The following SDAD1 variants were observed in gnomAD, a reference collection of about 807,000 sequenced individuals.
SDAD1 encodes SDA1 domain containing 1.
A neutral mutation model predicts 100.3 loss-of-function variants in SDAD1; 79 were observed. The observed-to-expected ratio is 0.79, with a 90% CI of 0.66 to 0.95. The LOEUF (loss-of-function observed/expected upper bound fraction) is 0.95. Ranked by LOEUF, SDAD1 falls within the 40% of genes least tolerant of loss-of-function variation. SDAD1 has a pLI of 0.00. For synonymous variants in SDAD1, 267 were observed against 271.4 expected (o/e 0.98, Z 0.16); for missense variants, 790 against 810.9 (o/e 0.97, Z 0.31).
chr4:75,979,990 C>T (rs915169119), intron 3 of SDAD1, among the ~76,000 whole-genome samples: 2 of 142,438 alleles, frequency 1.4e-5, no homozygotes, highest in African/African-American at 4.9e-5. Context: ...TACAGGTGCA[C>T]CTGGCATATA....
chr4:75,970,721 T>C (rs1378822288), intron 9 of SDAD1, among the ~76,000 whole-genome samples: 2 of 152,162 alleles, frequency 1.3e-5, no homozygotes, highest in African/African-American at 4.8e-5. Context: ...TCGTGGGAAG[T>C]TATTGGCTCA....
intron 9 of SDAD1, 140 bp downstream of exon 9, chr4:75,971,217 T>C: frequency 1.6e-6 from 1 of 611,502 alleles, no homozygotes; most frequent in Non-Finnish European, 2.9e-6. Context: ...ATCTAAAATA[T>C]TAGTGCTTAA....
At position 75,973,305 on chromosome 4, in the gene SDAD1, G is replaced by T. The variant is rs367906062; in HGVS notation, c.711+12C>A. 2.0e-5 allele frequency: 32 copies of T among 1,603,840 alleles called. No individual in the cohort carries two copies. The African/African-American group carries it at 3.3e-4, about 17-fold the overall frequency. ...AAAGGTAAGATTCAGAAGCAGCTAT[G>T]ATTAAACTAACCTCAGATTCGGAGT... is the stretch of plus-strand genomic sequence containing the variant. On this transcript the variant is annotated intron_variant, in intron 8 of 21. Coordinates refer to ENST00000356260, the MANE Select transcript of SDAD1 (RefSeq NM_018115.4).
At position 75,971,192 on chromosome 4, in the gene SDAD1, T is replaced by G. The variant is rs547860798; in HGVS notation, c.813+165A>C. Among the ~76,000 whole-genome samples, 7 of 152,382 alleles carry G rather than the reference T, an allele frequency of 4.6e-5. No homozygotes were observed. In the East Asian group the frequency reaches 1.3e-3, roughly 29 times the overall value. On this transcript the variant is annotated intron_variant, in intron 9 of 21. Coordinates refer to ENST00000356260, the MANE Select transcript of SDAD1 (RefSeq NM_018115.4). The stretch of plus-strand genomic sequence containing the variant: ...TCCAAGTCACTGATTTTGCTAGAGC[T>G]GAATACATTTATTCATCTAAAATAT...
At chr4:75,979,821 C>G (rs1343988864) in intron 3 of SDAD1, among the ~76,000 whole-genome samples, 1 of 152,060 alleles carries the variant, frequency 6.6e-6, no homozygotes, top group Non-Finnish European at 1.5e-5. Flanking sequence ...TATACATACA[C>G]ATTTTTTTCC....
Position 75,974,114 on chromosome 4 carries a change from T to G in SDAD1, c.598A>C (p.Asn200His). Residue 200 changes from asparagine to histidine, a missense_variant, in exon 7 of 22, where the codon AAT (asparagine) becomes CAT (histidine). Physicochemically the swap from Asn to His is moderately conservative, Grantham distance 68. Coordinates refer to ENST00000356260, the MANE Select transcript of SDAD1 (RefSeq NM_018115.4). ...GAGAAACATGCAGTTGTGATAACAT[T>G]GACAGTTTTTGCATCATTCCTGGGG... ...RNIWNDAKTV[N>H]VITTACFSKV... The G allele has an allele frequency of 6.2e-7, 1 of 1,613,768 alleles. No homozygotes were observed. Among genetic ancestry groups the G allele is most frequent in the Non-Finnish European group, 8.5e-7 (1 of 1,179,800 alleles).
intron 1 of SDAD1, 22 bp from the exon 2 acceptor site, chr4:75,982,059 G>T: frequency 6.8e-7 from 1 of 1,465,326 alleles, no homozygotes; most frequent in Non-Finnish European, 9.5e-7. Flanking sequence ...TAAAATTTAA[G>T]TTTGTCACAT....
chr4:75,959,039 C>T (rs1159366892), intron 17 of SDAD1, among the ~76,000 whole-genome samples: 1 of 129,134 alleles, frequency 7.7e-6, no homozygotes, highest in Admixed American at 9.4e-5. Context: ...TGGAGCTTGC[C>T]GTGAGCCGAG....
At chr4:75,963,796 C>T (rs2149314831) in intron 14 of SDAD1, among the ~76,000 whole-genome samples, 1 of 152,234 alleles carries the variant, frequency 6.6e-6, no homozygotes, top group Non-Finnish European at 1.5e-5. Context: ...TTCCCAGCTC[C>T]AGAACTAGGA....
At chr4:75,971,519 T>C (rs776531635) in intron 8 of SDAD1, 61 bp from the exon 9 acceptor site, 1 of 1,228,066 alleles carries the variant, frequency 8.1e-7, no homozygotes, top group East Asian at 2.3e-5. Context: ...AATGAAAGAG[T>C]AAACCTTTCA....
At chr4:75,988,750 A>C (rs1731055469) in intron 1 of SDAD1, among the ~76,000 whole-genome samples, 1 of 152,174 alleles carries the variant, frequency 6.6e-6, no homozygotes, top group African/African-American at 2.4e-5. Flanking sequence ...AGGAAATGGC[A>C]CTATCATCTA....
intron 17 of SDAD1, among the ~76,000 whole-genome samples, chr4:75,958,547 T>A (rs1259739681): frequency 6.6e-6 from 1 of 152,196 alleles, no homozygotes; most frequent in African/African-American, 2.4e-5. Context: ...AATCTTTCCA[T>A]GACTCCCTAT....
intron 17 of SDAD1, among the ~76,000 whole-genome samples, chr4:75,958,798 TAAAAA>T (rs780035774): frequency 3.1e-5 from 4 of 130,526 alleles, no homozygotes; most frequent in African/African-American, 8.7e-5. Context: ...CAAAGCCCTT[TAAAAA>T]AAAAAAAAAA....
chr4:75,968,396 G>T lies in SDAD1; in HGVS notation c.987+900C>A, dbSNP rs575610698. ...AAGTGTTTTTCTTTTCTTTTCTTTT[G>T]GTTTTTTTAAATGGATGTTCAGAGC... On this transcript the variant is annotated intron_variant, in intron 11 of 21. Coordinates refer to ENST00000356260, the MANE Select transcript of SDAD1 (RefSeq NM_018115.4). 1.1e-3 allele frequency among the ~76,000 whole-genome samples: 160 copies of T among 151,858 alleles called. 1 individual carries two copies. Among genetic ancestry groups the T allele is most frequent in the African/African-American group, 3.7e-3 (152 of 41,426 alleles).
chr4:75,978,785 G>T (rs1191575155), intron 3 of SDAD1, among the ~76,000 whole-genome samples: 1 of 151,398 alleles, frequency 6.6e-6, no homozygotes, highest in Non-Finnish European at 1.5e-5. Flanking sequence ...AGACCAGCCT[G>T]GGCAATGTAG....
rs1167520095 is a variant in SDAD1, at chr4:75,961,121, T to A, written c.1280-17A>T. 1.2e-6 allele frequency: 2 copies of A among 1,612,880 alleles called. No homozygotes were observed. On this transcript the variant is annotated splice_polypyrimidine_tract_variant and intron_variant, in intron 15 of 21. Transcript: ENST00000356260. ...TCATTACATCTGTAAAATAATACTT[T>A]TAATTAGAAATTCTGGCCCATAGAG...
At chr4:75,961,846 G>A (rs1443834777) in intron 14 of SDAD1, among the ~76,000 whole-genome samples, 5 of 139,950 alleles carry the variant, frequency 3.6e-5, no homozygotes, top group Non-Finnish European at 1.6e-5. Context: ...TAAAACTCAT[G>A]TCGAAACTTA....
chr4:75,956,287 A>G, intron 20 of SDAD1, 151 bp from the exon 21 acceptor site: 1 of 762,952 alleles, frequency 1.3e-6, no homozygotes, highest in Non-Finnish European at 2.1e-6. Context: ...TGGGACCAAG[A>G]AATGGCCATA....
At position 75,973,394 on chromosome 4, in the gene SDAD1, A is replaced by G. The variant is rs1241839239; in HGVS notation, c.637-3T>C. On this transcript the variant is annotated splice_polypyrimidine_tract_variant and splice_region_variant and intron_variant, in intron 7 of 21. Transcript: ENST00000356260. ...AATGTCAAAGCGGCAACTAATATCT[A>G]AACACCAATGAGAAAAAAGTCAGCT... The G allele has an allele frequency of 6.2e-7, 1 of 1,611,578 alleles. No individual in the cohort carries two copies. Among genetic ancestry groups the G allele is most frequent in the Admixed American group, 1.7e-5 (1 of 60,002 alleles).
Sources: gnomAD v4.1 joint callset for allele counts (sites outside exome capture counted in the v4.1 genomes callset) on GRCh38, gnomAD v4.1.1 for gene constraint, MANE v1.5 for transcripts, NCBI Gene and HGNC (gene_info 2026-07-23, HGNC 2026-07-21) for gene names.